Variants in SETBP1 observed in about 807,000 individuals in gnomAD.
SETBP1 encodes the protein SET binding protein 1.
In SETBP1, 9 loss-of-function variants were observed where a neutral mutation model predicts 101.0. That is an observed-to-expected ratio of 0.09 (90% CI 0.05 to 0.16). SETBP1 has a LOEUF of 0.16. Ranked by LOEUF, SETBP1 falls within the 10% of genes least tolerant of loss-of-function variation. SETBP1 has a pLI of 1.00. For missense variants in SETBP1, 1,858 were observed against 2,033.8 expected (o/e 0.91, Z 1.66); for synonymous variants, 818 against 788.5 (o/e 1.04, Z -0.63).
chr18:45,044,094 G>T (rs575242771), intron 5 of SETBP1, among the ~76,000 whole-genome samples: 8 of 152,226 alleles, frequency 5.3e-5, no homozygotes, highest in Non-Finnish European at 8.8e-5. Flanking sequence ...AAAATAACAG[G>T]TCAAGTCAGC....
At chr18:45,062,168 A>G (rs2073900358) in intron 5 of SETBP1, among the ~76,000 whole-genome samples, 1 of 152,240 alleles carries the variant, frequency 6.6e-6, no homozygotes, top group Non-Finnish European at 1.5e-5. Flanking sequence ...TTCAAAACTA[A>G]GCAGTTCTGA....
chr18:44,988,894 G>A (rs546557841), intron 4 of SETBP1: 1 of 152,250 alleles, frequency 6.6e-6, no homozygotes, highest in South Asian at 2.1e-4. Flanking sequence ...TACTTGCTTT[G>A]TGACTACAAA....
chr18:44,996,193 G>A (rs1027474725), intron 4 of SETBP1, among the ~76,000 whole-genome samples: 1 of 152,178 alleles, frequency 6.6e-6, no homozygotes, highest in Admixed American at 6.5e-5. Flanking sequence ...TGAGGCTGCA[G>A]AGAATACATG....
intron 3 of SETBP1, among the ~76,000 whole-genome samples, chr18:44,885,857 C>CAAAAAAAAAAAAAAA (rs1555696149): frequency 7.7e-5 from 6 of 78,160 alleles, no homozygotes; most frequent in Admixed American, 1.5e-4. Flanking sequence ...AAAAAAAAAA[C>CAAAAAAAAAAAAAAA]AAAAAAAAAA....
intron 5 of SETBP1, among the ~76,000 whole-genome samples, chr18:45,040,329 G>A (rs1246263376): frequency 5.9e-5 from 9 of 152,158 alleles, no homozygotes; most frequent in Admixed American, 1.3e-4. Context: ...TGGATTAGTA[G>A]CACCTTGGTG....
chr18:45,038,774 C>A, intron 5 of SETBP1, 119 bp downstream of exon 5: 1 of 1,053,138 alleles, frequency 9.5e-7, no homozygotes, highest in Non-Finnish European at 1.4e-6. Flanking sequence ...CTCCCCTAGA[C>A]TCTGAACATG....
At chr18:44,683,252 C>CT (rs1313521737) in intron 1 of SETBP1, among the ~76,000 whole-genome samples, 2 of 152,194 alleles carry the variant, frequency 1.3e-5, no homozygotes, top group Admixed American at 6.5e-5. Flanking sequence ...CTAGAGGTAT[C>CT]TTTAAGTTAA....
At position 44,861,229 on chromosome 18, in the gene SETBP1, C is replaced by CTTTTTTTTTTTTTTTT. The variant is rs775284488; in HGVS notation, c.487-7989_487-7974dup. On this transcript the variant is annotated intron_variant, in intron 2 of 5. Coordinates refer to ENST00000649279, the MANE Select transcript of SETBP1 (RefSeq NM_015559.3). ...GTCTTGTGGATTTCCTTTTTCTTTT[C>CTTTTTTTTTTTTTTTT]TTTTTTTTTTTTTTTTTTTTTTTTT... Among the ~76,000 whole-genome samples the CTTTTTTTTTTTTTTTT allele has an allele frequency of 7.9e-5, 7 of 88,348 alleles. 1 individual carries two copies. The highest frequency in any genetic ancestry group is 2.6e-4 in the African/African-American group (6 of 22,808). The allele number at this position is 88,348 out of a possible 152,430, so 58.0% of individuals were successfully genotyped here. A position where few individuals can be genotyped will look rare whatever the true frequency, so the allele number is the denominator to read the frequency against.
intron 4 of SETBP1, among the ~76,000 whole-genome samples, chr18:44,991,026 G>A (rs1480204638): frequency 1.3e-5 from 2 of 151,120 alleles, no homozygotes; most frequent in Non-Finnish European, 2.9e-5. Context: ...CAAGGCAGGC[G>A]GATCACCTGA....
At chr18:44,920,027 G>C (rs939778920) in intron 3 of SETBP1, among the ~76,000 whole-genome samples, 1 of 152,138 alleles carries the variant, frequency 6.6e-6, no homozygotes, top group Non-Finnish European at 1.5e-5. Context: ...TTTTATAAGA[G>C]TATACTTCAG....
At chr18:44,967,588 T>C (rs1159448018) in intron 4 of SETBP1, among the ~76,000 whole-genome samples, 1 of 152,168 alleles carries the variant, frequency 6.6e-6, no homozygotes, top group African/African-American at 2.4e-5. Flanking sequence ...GTGGTCAGGG[T>C]TGTGTTCCTC....
At chr18:44,687,715 T>A (rs910579855) in intron 1 of SETBP1, among the ~76,000 whole-genome samples, 1 of 152,072 alleles carries the variant, frequency 6.6e-6, no homozygotes, top group African/African-American at 2.4e-5. Flanking sequence ...TAGTTGAGCT[T>A]TGCTGCTGCT....
At chr18:44,992,609 C>A (rs1177614098) in intron 4 of SETBP1, among the ~76,000 whole-genome samples, 2 of 152,122 alleles carry the variant, frequency 1.3e-5, no homozygotes, top group East Asian at 3.9e-4. Flanking sequence ...TTACATGGCA[C>A]AGACATAGCT....
intron 5 of SETBP1, among the ~76,000 whole-genome samples, chr18:45,057,741 A>T (rs1290246086): frequency 1.3e-5 from 2 of 152,230 alleles, no homozygotes; most frequent in Non-Finnish European, 2.9e-5. Context: ...ATCTAGAAGT[A>T]AATTTGCCTC....
At chr18:44,766,099 T>C (rs1340759742) in intron 2 of SETBP1, among the ~76,000 whole-genome samples, 1 of 152,068 alleles carries the variant, frequency 6.6e-6, no homozygotes, top group South Asian at 2.1e-4. Flanking sequence ...CATTCTGGGG[T>C]GTGTGTGTGT....
At chr18:45,027,374 G>A (rs1436704131) in intron 4 of SETBP1, among the ~76,000 whole-genome samples, 1 of 152,154 alleles carries the variant, frequency 6.6e-6, no homozygotes, top group Non-Finnish European at 1.5e-5. Flanking sequence ...TCTTGTCCAA[G>A]TTCATCTAAC....
chr18:44,877,478 A>T (rs1290062923), intron 3 of SETBP1: 2 of 665,802 alleles, frequency 3.0e-6, no homozygotes, highest in Admixed American at 6.3e-5. Flanking sequence ...AATAATGTTC[A>T]CCCTCCAAAA....
intron 3 of SETBP1, among the ~76,000 whole-genome samples, chr18:44,942,876 C>T (rs772896119): frequency 2.0e-5 from 3 of 152,272 alleles, no homozygotes; most frequent in South Asian, 2.1e-4. Flanking sequence ...GTATCATCCA[C>T]GGCCCCTAAA....
intron 2 of SETBP1, among the ~76,000 whole-genome samples, chr18:44,767,661 C>T (rs2144618427): frequency 6.6e-6 from 1 of 152,340 alleles, no homozygotes; most frequent in African/African-American, 2.4e-5. Context: ...ACATAGGCCA[C>T]CACCATCCCA....
Sources: gnomAD v4.1 joint callset for allele counts (sites outside exome capture counted in the v4.1 genomes callset) on GRCh38, gnomAD v4.1.1 for gene constraint, MANE v1.5 for transcripts, NCBI Gene and HGNC (gene_info 2026-07-23, HGNC 2026-07-21) for gene names.